The following MOXD1 variants were observed in gnomAD, a reference collection of about 807,000 sequenced individuals.
MOXD1 encodes the protein DBH-like monooxygenase protein 1.
A neutral mutation model predicts 66.6 loss-of-function variants in MOXD1; 62 were observed. The ratio of observed to expected loss-of-function variants is 0.93; its 90% CI spans 0.76 to 1.15. The LOEUF (loss-of-function observed/expected upper bound fraction) is 1.15, where lower values mean the gene tolerates loss of function less well. MOXD1 is among the 50% of genes most tolerant of loss of function. The pLI is 0.00. For synonymous variants in MOXD1, 303 were observed against 281.9 expected (o/e 1.07, Z -0.75); for missense variants, 847 against 754.6 (o/e 1.12, Z -1.44).
chr6:132,390,792 G>A (rs1582611913), intron 1 of MOXD1: 1 of 151,452 alleles, frequency 6.6e-6, no homozygotes, highest in South Asian at 2.1e-4. Flanking sequence ...ACACTGTAAG[G>A]ACTTATCACA....
At chr6:132,363,215 T>TA (rs1776049920) in intron 4 of MOXD1, among the ~76,000 whole-genome samples, 1 of 65,352 alleles carries the variant, frequency 1.5e-5, no homozygotes, top group Non-Finnish European at 3.2e-5. Context: ...CTTACCACAA[T>TA]AAAAAACAAA....
intron 1 of MOXD1, among the ~76,000 whole-genome samples, chr6:132,397,626 G>C (rs763052775): frequency 2.3e-5 from 3 of 130,356 alleles, no homozygotes; most frequent in South Asian, 2.3e-4. Context: ...GAGAGAGAGA[G>C]AGAGAGAGAC....
At chr6:132,357,726 T>G (rs1337566278) in intron 4 of MOXD1, among the ~76,000 whole-genome samples, 1 of 152,066 alleles carries the variant, frequency 6.6e-6, no homozygotes, top group Non-Finnish European at 1.5e-5. Flanking sequence ...TTATAGATAG[T>G]TAAGAGATGA....
At chr6:132,332,582 A>C (rs1775345567) in intron 4 of MOXD1, among the ~76,000 whole-genome samples, 1 of 152,220 alleles carries the variant, frequency 6.6e-6, no homozygotes, top group Non-Finnish European at 1.5e-5. Flanking sequence ...AAGGATGGAC[A>C]TAACTTGTTT....
rs759263533 is a variant in MOXD1 at position 132,374,716 on chromosome 6, T to C, written c.326A>G (p.Glu109Gly). ...GTGTGTGCTATTTTCCATGGCATATTCTAGATGGTAATCTTGCTGAGCATC... is the reference window on the plus strand; with the variant it reads ...GTGTGTGCTATTTTCCATGGCATATCCTAGATGGTAATCTTGCTGAGCATC... ...KKDAQQDYHLEYAMENSTHTI... is the reference protein window; with the variant it reads ...KKDAQQDYHLGYAMENSTHTI... Residue 109 changes from glutamate (E) to glycine (G), a missense_variant, in exon 2 of 12, where the codon GAA becomes GGA. Transcript: ENST00000367963. 3 of 1,613,802 alleles carry C rather than the reference T, an allele frequency of 1.9e-6. No individual in the cohort carries two copies. Among genetic ancestry groups the C allele is most frequent in the African/African-American group, 2.7e-5 (2 of 74,930 alleles).
intron 9 of MOXD1, among the ~76,000 whole-genome samples, chr6:132,316,517 A>G (rs984037027): frequency 6.6e-6 from 1 of 152,146 alleles, no homozygotes; most frequent in African/African-American, 2.4e-5. Context: ...TGTCTCAAAA[A>G]TGAGTGAACA....
intron 1 of MOXD1, among the ~76,000 whole-genome samples, chr6:132,379,077 A>G (rs2114672889): frequency 6.6e-6 from 1 of 151,590 alleles, no homozygotes. Context: ...CAAAAAAACT[A>G]CACACCATCA....
intron 4 of MOXD1, among the ~76,000 whole-genome samples, chr6:132,344,295 C>T (rs1775626536): frequency 6.6e-6 from 1 of 152,190 alleles, no homozygotes; most frequent in African/African-American, 2.4e-5. Context: ...GTATGAGTCT[C>T]TGTTTCCTAC....
At chr6:132,354,679 C>T (rs375190566) in intron 4 of MOXD1, among the ~76,000 whole-genome samples, 13 of 152,250 alleles carry the variant, frequency 8.5e-5, no homozygotes, top group Admixed American at 3.9e-4. Flanking sequence ...TGTGGTGGTA[C>T]GAAGAGGAAG....
At chr6:132,361,696 T>C (rs1233791199) in intron 4 of MOXD1, among the ~76,000 whole-genome samples, 1 of 152,132 alleles carries the variant, frequency 6.6e-6, no homozygotes, top group Non-Finnish European at 1.5e-5. Context: ...TCCCTAAAGA[T>C]TCTGATTCTA....
intron 4 of MOXD1, among the ~76,000 whole-genome samples, chr6:132,332,075 C>T (rs776938381): frequency 1.3e-5 from 2 of 152,186 alleles, no homozygotes; most frequent in Non-Finnish European, 2.9e-5. Context: ...AGTCCCAGTG[C>T]CCCTTGGCCT....
At chr6:132,302,087 C>A (rs138147871) in intron 10 of MOXD1, among the ~76,000 whole-genome samples, 1 of 152,244 alleles carries the variant, frequency 6.6e-6, no homozygotes, top group East Asian at 1.9e-4. Flanking sequence ...GAGTCAGTAA[C>A]TAAGCAATAA....
chr6:132,374,766 T>G lies in MOXD1; in HGVS notation c.276A>C (p.Thr92=), dbSNP rs770313425. Residue 92 remains threonine, a synonymous_variant, in exon 2 of 12, where the codon ACA becomes ACC. Transcript: ENST00000367963. ...CTTTTTTCAACTCTCTATTTGCATTTGTAAAATAATCCTGTGGAAAATATG... is the reference window on the plus strand; with the variant it reads ...CTTTTTTCAACTCTCTATTTGCATTGGTAAAATAATCCTGTGGAAAATATG... ...HGRPYLQDYF[T]NANRELKKDA... is the part of the protein sequence containing the mutation. The G allele has an allele frequency of 6.2e-6, 10 of 1,613,734 alleles. No individual in the cohort carries two copies. Among genetic ancestry groups the G allele is most frequent in the Non-Finnish European group, 8.5e-6 (10 of 1,179,698 alleles).
intron 1 of MOXD1, 71 bp downstream of exon 1, chr6:132,401,092 A>G: frequency 7.2e-7 from 1 of 1,395,712 alleles, no homozygotes; most frequent in Admixed American, 3.2e-5. Context: ...GACGACCCGC[A>G]CCTGCGCCCT....
rs766889203 is a variant in MOXD1, at chr6:132,372,684, A to G, written c.587T>C (p.Ile196Thr). ...YFDLVNQDVP[I>T]PNKDTTYWCQ... ...CCAATATGTTGTATCTTTGTTTGGG[A>G]TGGGGACCTGTCTTAATAAAAAGGG... The change falls in exon 4 of 12, where the codon ATC becomes ACC. Residue 196 changes from isoleucine (I) to threonine (T), a missense_variant. Physicochemically the swap from Ile to Thr is moderately conservative, Grantham distance 89 (BLOSUM62 -1). Transcript: ENST00000367963. 2.5e-6 allele frequency: 4 copies of G among 1,613,726 alleles called. No individual in the cohort carries two copies. Among genetic ancestry groups the G allele is most frequent in the Non-Finnish European group, 3.4e-6 (4 of 1,179,710 alleles).
At chr6:132,384,971 G>T (rs903951136) in intron 1 of MOXD1, among the ~76,000 whole-genome samples, 3 of 152,348 alleles carry the variant, frequency 2.0e-5, no homozygotes, top group South Asian at 4.1e-4. Flanking sequence ...CAGGAGCCTG[G>T]CAGTGGTCCT....
At chr6:132,372,538 T>C in intron 4 of MOXD1, 70 bp downstream of exon 4, 1 of 1,354,854 alleles carries the variant, frequency 7.4e-7, no homozygotes, top group Non-Finnish European at 1.0e-6. Flanking sequence ...TTTACTGTTT[T>C]CATTATATTA....
chr6:132,401,462 A>G lies in MOXD1; in HGVS notation c.-36T>C. 1 of 1,459,312 alleles carries G rather than the reference A, an allele frequency of 6.9e-7. No homozygotes were observed. The highest frequency in any genetic ancestry group is 9.0e-7 in the Non-Finnish European group (1 of 1,111,988). The allele number at this position is 1,459,312 out of a possible 1,614,324, so 90.4% of individuals were successfully genotyped here. A position where few individuals can be genotyped will look rare whatever the true frequency, so the allele number is the denominator to read the frequency against. The stretch of plus-strand genomic sequence containing the variant: ...CTCCTGCCCGCCGGTACCGGCCTCC[A>G]GCCGCTGGGGAGTGAGGAGCAGAAC... On this transcript the variant is annotated 5_prime_UTR_variant, in exon 1 of 12. Transcript: ENST00000367963.
At chr6:132,298,072 C>T in intron 10 of MOXD1, 117 bp from the exon 11 acceptor site, 1 of 787,992 alleles carries the variant, frequency 1.3e-6, no homozygotes, top group Non-Finnish European at 1.8e-6. Context: ...CATAGATAAC[C>T]TAATGCAAAA....
Sources: gnomAD v4.1 joint callset for allele counts (sites outside exome capture counted in the v4.1 genomes callset) on GRCh38, gnomAD v4.1.1 for gene constraint, MANE v1.5 for transcripts, NCBI Gene and HGNC (gene_info 2026-07-23, HGNC 2026-07-21) for gene names.